MTCL3: variants seen among roughly 807,000 people sequenced by gnomAD.
The protein encoded by MTCL3 is MTCL family member 3.
At chr6:127,516,439 G>A in the MTCL3 span, 7 of 1,600,102 alleles carry the variant, frequency 4.4e-6, no homozygotes, top group East Asian at 2.2e-5. Flanking sequence ...CCCCACTGGG[G>A]ACCGGGTGGC....
the MTCL3 span, among the ~76,000 whole-genome samples, chr6:127,486,908 C>T: frequency 6.6e-6 from 1 of 152,098 alleles, no homozygotes. Flanking sequence ...GCCTAACATG[C>T]TACCAAAAGA....
the MTCL3 span, chr6:127,482,875 G>A: frequency 6.9e-7 from 1 of 1,446,638 alleles, no homozygotes; most frequent in Non-Finnish European, 9.5e-7. The surrounding 1 kb of genome is among the most constrained non-coding windows in gnomAD (Gnocchi z 4.1). Flanking sequence ...ACACTTAGAG[G>A]TACTTGGTGT....
the MTCL3 span, chr6:127,481,308 T>C: frequency 1.0e-6 from 1 of 985,110 alleles, no homozygotes; most frequent in Non-Finnish European, 1.2e-6. Flanking sequence ...TTAGAGTGAG[T>C]TGGATAAAGT....
chr6:127,476,040 G>A, the MTCL3 span: 3 of 1,612,214 alleles, frequency 1.9e-6, no homozygotes, highest in Non-Finnish European at 2.5e-6. This position sits in a 1 kb window ranked among gnomAD's most constrained non-coding sequence, Gnocchi z 4.4. Flanking sequence ...GGTCGGCCAC[G>A]TTCCTCCGCA....
chr6:127,490,890 T>C, the MTCL3 span, among the ~76,000 whole-genome samples: 12 of 152,102 alleles, frequency 7.9e-5, no homozygotes, highest in Admixed American at 2.0e-4. Context: ...GTCAAAACAT[T>C]AACAGGAGTT....
chr6:127,501,871 G>T, the MTCL3 span, among the ~76,000 whole-genome samples: 1 of 152,152 alleles, frequency 6.6e-6, no homozygotes, highest in African/African-American at 2.4e-5. Context: ...ATAAATAATT[G>T]TATTTCCATT....
the MTCL3 span, among the ~76,000 whole-genome samples, chr6:127,481,647 C>T: frequency 7.2e-6 from 1 of 138,494 alleles, no homozygotes; most frequent in Non-Finnish European, 1.6e-5. Flanking sequence ...ACCTTGTAAT[C>T]ACAAAAGTAT....
the MTCL3 span, chr6:127,515,741 G>T: frequency 1.3e-6 from 2 of 1,598,660 alleles, no homozygotes; most frequent in East Asian, 4.5e-5. This position sits in a 1 kb window ranked among gnomAD's most constrained non-coding sequence, Gnocchi z 4.3. Flanking sequence ...CCAGACACCG[G>T]GGAGCTGCGG....
chr6:127,491,842 A>C, the MTCL3 span, among the ~76,000 whole-genome samples: 315 of 146,914 alleles, frequency 2.1e-3, 4 homozygotes, highest in Non-Finnish European at 2.7e-3. Context: ...CTATACTCCA[A>C]CCTAGGTGAC....
At chr6:127,491,248 G>A in the MTCL3 span, among the ~76,000 whole-genome samples, 1 of 152,322 alleles carries the variant, frequency 6.6e-6, no homozygotes, top group African/African-American at 2.4e-5. Flanking sequence ...GTAAAATGCT[G>A]TCAAACAGCA....
the MTCL3 span, among the ~76,000 whole-genome samples, chr6:127,482,479 G>A: frequency 6.6e-6 from 1 of 152,162 alleles, no homozygotes; most frequent in South Asian, 2.1e-4. This position sits in a 1 kb window ranked among gnomAD's most constrained non-coding sequence, Gnocchi z 4.1. Flanking sequence ...CACTGGTATG[G>A]AGAATTACTT....
the MTCL3 span, among the ~76,000 whole-genome samples, chr6:127,490,401 C>A: frequency 2.0e-5 from 3 of 152,166 alleles, no homozygotes; most frequent in South Asian, 2.1e-4. Context: ...ACTTTCAAGT[C>A]TTATTATTTT....
the MTCL3 span, chr6:127,519,031 G>A: frequency 6.6e-6 from 1 of 151,704 alleles, no homozygotes; most frequent in African/African-American, 2.4e-5. Flanking sequence ...AGAGAAGAAG[G>A]CGGGGAGGGG....
the MTCL3 span, among the ~76,000 whole-genome samples, chr6:127,498,783 C>A: frequency 1.3e-5 from 2 of 151,974 alleles, no homozygotes; most frequent in South Asian, 4.2e-4. Flanking sequence ...GGATGAACCT[C>A]AAAAACACTG....
the MTCL3 span, among the ~76,000 whole-genome samples, chr6:127,489,951 T>C: frequency 3.8e-3 from 578 of 152,336 alleles, 4 homozygotes; most frequent in African/African-American, 0.013. Context: ...CAGCCTTCTA[T>C]TGGAAGAAGA....
the MTCL3 span, among the ~76,000 whole-genome samples, chr6:127,498,058 A>G: frequency 6.6e-6 from 1 of 152,186 alleles, no homozygotes; most frequent in Admixed American, 6.5e-5. Context: ...TAGATGCGAC[A>G]CCAAAAACAT....
the MTCL3 span, chr6:127,514,871 G>T: frequency 6.2e-7 from 1 of 1,614,000 alleles, no homozygotes; most frequent in Non-Finnish European, 8.5e-7. Context: ...CGATTTCCCC[G>T]GTCTGGGCGT....
At chr6:127,512,980 CTGT>C in the MTCL3 span, 3 of 1,611,670 alleles carry the variant, frequency 1.9e-6, no homozygotes, top group Non-Finnish European at 2.5e-6. Flanking sequence ...TTTTCATCTT[CTGT>C]TGTTGTTCTC....
At chr6:127,490,752 G>T in the MTCL3 span, among the ~76,000 whole-genome samples, 2 of 152,272 alleles carry the variant, frequency 1.3e-5, no homozygotes, top group East Asian at 1.9e-4. Context: ...GGGATGCAGA[G>T]GTTGCAGTGA....
Sources: allele counts gnomAD v4.1 joint callset (sites outside exome capture counted in the v4.1 genomes callset), GRCh38; gene constraint gnomAD v4.1.1; non-coding constraint Gnocchi (gnomAD v3.1); transcripts MANE v1.5; gene names NCBI Gene and HGNC (gene_info 2026-07-23, HGNC 2026-07-21).